Variants in PELP1 observed in about 807,000 individuals in gnomAD.
PELP1 encodes proline, glutamate and leucine rich protein 1, also known as proline-, glutamic acid- and leucine-rich protein 1.
A neutral mutation model predicts 95.5 loss-of-function variants in PELP1; 32 were observed. The observed-to-expected ratio is 0.34, with a 90% CI of 0.25 to 0.45. The LOEUF is 0.45. Among genes scored for constraint, PELP1 ranks in the 20% least tolerant of loss-of-function variants. PELP1 has a pLI of 1.00. For synonymous variants in PELP1, 668 were observed against 600.1 expected, an observed-to-expected ratio of 1.11 and a Z score of -1.65; for missense variants, 1,358 against 1,444.8, an observed-to-expected ratio of 0.94 and a Z score of 0.97.
chr17:4,673,879 T>TA lies in PELP1; in HGVS notation c.1583-206dup, dbSNP rs1171986099. The TA allele has an allele frequency of 3.6e-6, 2 of 551,254 alleles. No homozygotes were observed. Among genetic ancestry groups the TA allele is most frequent in the Admixed American group, 3.0e-5 (1 of 32,988 alleles). The allele number at this position is 551,254 out of a possible 1,614,324, so 34.1% of individuals were successfully genotyped here. On this transcript the variant is annotated intron_variant, in intron 13 of 16. Coordinates refer to ENST00000572293, the MANE Select transcript of PELP1 (RefSeq NM_014389.3). This position sits in a 1 kb window ranked among gnomAD's most constrained non-coding sequence, Gnocchi z 5.7. ...CGGTATTTAATTGAGACAATGTAAG[T>TA]AAAAAATTATAAATTTTATAATTTT...
intron 1 of PELP1, chr17:4,691,656 C>A (rs1008457646): frequency 5.3e-6 from 3 of 571,104 alleles, no homozygotes; most frequent in Middle Eastern, 4.7e-4. Context: ...TATATTTTGC[C>A]TGATCCTTCC....
In PELP1 at chr17:4,671,888, C is replaced by T; in HGVS notation, c.3103G>A (p.Gly1035Arg). 6.6e-7 allele frequency: 1 copy of T among 1,514,696 alleles called. No individual in the cohort carries two copies. 93.8% of individuals were successfully genotyped at this position (1,514,696 alleles called of 1,614,324 possible). A position where few individuals can be genotyped will look rare whatever the true frequency, so the allele number is the denominator to read the frequency against. Residue 1035 changes from glycine to arginine, a missense_variant, in exon 16 of 17, where the codon GGA (glycine) becomes AGA (arginine). Coordinates refer to ENST00000572293, the MANE Select transcript of PELP1 (RefSeq NM_014389.3). ...TLAPEALPSQ[G>R]EVEREGESPA... ...CTTTCCCCTTCCCTCTCCACCTCTC[C>T]CTGGGAGGGGAGCGCTTCAGGGGCC...
At chr17:4,683,362 A>G (rs1215691291) in intron 3 of PELP1, among the ~76,000 whole-genome samples, 2 of 151,244 alleles carry the variant, frequency 1.3e-5, no homozygotes, top group African/African-American at 4.9e-5. Context: ...CTGAGACTAC[A>G]AGCGCCCGCC....
Position 4,704,034 on chromosome 17 carries a change from T to C in PELP1, c.78A>G (p.Ala26=). The change falls in exon 1 of 17, where the codon GCA becomes GCG. Residue 26 remains alanine, a synonymous_variant. Coordinates refer to ENST00000572293, the MANE Select transcript of PELP1 (RefSeq NM_014389.3). ...GVPGGTGGLS[A]VSSGPRLRLL... ...GGCGGAGCCGCGGGCCCGAGCTCAC[T>C]GCCGAGAGACCCCCGGTCCCGCCAG... 2 of 1,612,834 alleles carry C rather than the reference T, an allele frequency of 1.2e-6. No homozygotes were observed. The highest frequency in any genetic ancestry group is 1.7e-6 in the Non-Finnish European group (2 of 1,179,686).
At chr17:4,698,470 TAA>T (rs57709047) in intron 1 of PELP1, among the ~76,000 whole-genome samples, 3 of 140,444 alleles carry the variant, frequency 2.1e-5, no homozygotes, top group Admixed American at 7.1e-5. Context: ...CCATCGCTAC[TAA>T]AAAAAAAAAA....
intron 5 of PELP1, among the ~76,000 whole-genome samples, 190 bp from the exon 6 acceptor site, chr17:4,677,002 C>T (rs1288676313): frequency 1.3e-5 from 2 of 152,194 alleles, no homozygotes; most frequent in Non-Finnish European, 2.9e-5. Flanking sequence ...CTCCTCAACG[C>T]CAGCTCTGGT....
chr17:4,671,599 G>C, intron 16 of PELP1, 68 bp from the exon 17 acceptor site: 1 of 1,606,076 alleles, frequency 6.2e-7, no homozygotes, highest in Non-Finnish European at 8.5e-7. Context: ...GGTTCAGGCT[G>C]GGCAAACCTC....
intron 5 of PELP1, among the ~76,000 whole-genome samples, chr17:4,679,776 G>A (rs1007310262): frequency 3.3e-5 from 5 of 152,248 alleles, no homozygotes; most frequent in African/African-American, 1.2e-4. Flanking sequence ...GTCCTGCCCT[G>A]CCTACCCAAA....
chr17:4,701,201 A>G (rs1377340482), intron 1 of PELP1, among the ~76,000 whole-genome samples: 1 of 152,120 alleles, frequency 6.6e-6, no homozygotes, highest in Non-Finnish European at 1.5e-5. Flanking sequence ...TTATAAGTAT[A>G]TGTGAAATAA....
chr17:4,703,819 C>A (rs1280264728), intron 1 of PELP1, 44 bp downstream of exon 1: 1 of 1,540,190 alleles, frequency 6.5e-7, no homozygotes, highest in East Asian at 2.3e-5. Context: ...AGGTGCCGCG[C>A]CATCCTCCCC....
In PELP1 at chr17:4,675,934, A is replaced by G; in HGVS notation, c.981-50T>C. The G allele has an allele frequency of 6.3e-7, 1 of 1,585,022 alleles. No individual in the cohort carries two copies. The highest frequency in any genetic ancestry group is 8.6e-7 in the Non-Finnish European group (1 of 1,162,084). ...CCTTCAGAGCAGGCTCCCTGGCATA[A>G]CTCCCACACCCACCTTCATCTCCTT... On this transcript the variant is annotated intron_variant, in intron 8 of 16. Transcript: ENST00000572293. This position sits in a 1 kb window ranked among gnomAD's most constrained non-coding sequence, Gnocchi z 4.3.
At position 4,703,866 on chromosome 17, in the gene PELP1, G is replaced by T. The variant is rs375102117; in HGVS notation, c.246C>A (p.Ala82=). The change falls in exon 1 of 17, where the codon GCC becomes GCA. Residue 82 remains alanine, a synonymous_variant. Coordinates refer to ENST00000572293, the MANE Select transcript of PELP1 (RefSeq NM_014389.3). ...GGCACGCGGGCCACGGACTCACCTGGGCCCCGCCCACCGACCCATGCAGCC... is the reference window on the plus strand; with the variant it reads ...GGCACGCGGGCCACGGACTCACCTGTGCCCCGCCCACCGACCCATGCAGCC... ...LLRLHGSVGG[A]QNLSALGALV... 36 of 1,609,830 alleles carry T rather than the reference G, an allele frequency of 2.2e-5. 1 individual carries two copies. In the Admixed American group the frequency reaches 5.2e-4, roughly 23 times the overall value.
chr17:4,697,427 C>T (rs768538127), intron 1 of PELP1, among the ~76,000 whole-genome samples: 3 of 152,118 alleles, frequency 2.0e-5, no homozygotes, highest in Non-Finnish European at 4.4e-5. Context: ...GCAGGGCGGA[C>T]TGCCTCAGCC....
At chr17:4,698,533 T>C (rs1433273232) in intron 1 of PELP1, among the ~76,000 whole-genome samples, 1 of 148,596 alleles carries the variant, frequency 6.7e-6, no homozygotes, top group Non-Finnish European at 1.5e-5. Flanking sequence ...TCCCAGCTAC[T>C]TGGGAGGCTG....
chr17:4,701,339 A>G (rs4790687), intron 1 of PELP1, among the ~76,000 whole-genome samples: 98,105 of 149,328 alleles, frequency 0.66, 33,139 homozygotes, highest in East Asian at 0.82. Flanking sequence ...GGGTGGGGGC[A>G]CTGCACAGGG....
intron 1 of PELP1, among the ~76,000 whole-genome samples, chr17:4,693,470 C>T (rs1408717683): frequency 6.6e-6 from 1 of 152,178 alleles, no homozygotes; most frequent in Admixed American, 6.5e-5. Context: ...CAGTTAGGCA[C>T]AGTAAGAGAT....
chr17:4,700,278 C>T (rs1913471132), intron 1 of PELP1, among the ~76,000 whole-genome samples: 2 of 152,168 alleles, frequency 1.3e-5, no homozygotes, highest in African/African-American at 2.4e-5. Flanking sequence ...AGTGGCTCAT[C>T]CCTGTAATCC....
chr17:4,672,879 G>A lies in PELP1; in HGVS notation c.2112C>T (p.Thr704=). The A allele has an allele frequency of 6.2e-7, 1 of 1,613,900 alleles. No individual in the cohort carries two copies. The highest frequency in any genetic ancestry group is 1.6e-4 in the Middle Eastern group (1 of 6,062). ...PVPSARPGPP[T]TANHLGLSVP... ...CAGAAAGGCCTAGGTGGTTGGCTGT[G>A]GTGGGAGGTCCAGGGCGTGCCGAGG... Residue 704 remains threonine (T), a synonymous_variant, in exon 16 of 17, where the codon ACC becomes ACT. Coordinates refer to ENST00000572293, the MANE Select transcript of PELP1 (RefSeq NM_014389.3).
chr17:4,673,770 C>A lies in PELP1; in HGVS notation c.1583-96G>T. The A allele has an allele frequency of 5.1e-6, 5 of 989,554 alleles. No individual in the cohort carries two copies. The highest frequency in any genetic ancestry group is 8.2e-6 in the Non-Finnish European group (5 of 610,878). 61.3% of individuals were successfully genotyped at this position (989,554 alleles called of 1,614,324 possible). On this transcript the variant is annotated intron_variant, in intron 13 of 16. Transcript: ENST00000572293. The surrounding 1 kb of genome is among the most constrained non-coding windows in gnomAD (Gnocchi z 5.7). ...AGCCCAAAATGGGCATCAACTCTGC[C>A]ACTGCCTATCTTGGCCAAGTCATTT...
Sources: gnomAD v4.1 joint callset for allele counts (sites outside exome capture counted in the v4.1 genomes callset) on GRCh38, gnomAD v4.1.1 for gene constraint, Gnocchi (gnomAD v3.1) non-coding constraint, MANE v1.5 for transcripts, NCBI Gene and HGNC (gene_info 2026-07-23, HGNC 2026-07-21) for gene names.